The following OPHN1 variants were observed in gnomAD, a reference collection of about 807,000 sequenced individuals.
OPHN1 encodes the protein oligophrenin 1.
OPHN1 carries 11 observed loss-of-function variants against 60.7 expected under a neutral mutation model. The observed-to-expected ratio is 0.18, with a 90% CI of 0.11 to 0.30. The LOEUF (loss-of-function observed/expected upper bound fraction) is 0.30. Among genes scored for constraint, OPHN1 ranks in the 10% least tolerant of loss-of-function variants. The pLI is 1.00. For synonymous variants in OPHN1, 226 were observed against 222.6 expected, an observed-to-expected ratio of 1.02 and a Z score of -0.14; for missense variants, 449 against 611.0, an observed-to-expected ratio of 0.73 and a Z score of 2.80.
chrX:68,242,718 A>T (rs1351947905), intron 5 of OPHN1, among the ~76,000 whole-genome samples: 1 of 111,947 alleles, frequency 8.9e-6, no homozygotes, highest in Non-Finnish European at 1.9e-5. Context: ...TATACACTAG[A>T]TGGAATATTA....
intron 15 of OPHN1, among the ~76,000 whole-genome samples, chrX:68,192,180 A>C (rs2077491216): frequency 8.9e-6 from 1 of 111,806 alleles, no homozygotes; most frequent in Non-Finnish European, 1.9e-5. Context: ...AAGGTTCAGC[A>C]AGTTATTGAA....
At chrX:68,364,495 C>T (rs2078488943) in intron 2 of OPHN1, among the ~76,000 whole-genome samples, 2 of 111,645 alleles carry the variant, frequency 1.8e-5, no homozygotes, top group South Asian at 7.4e-4. Context: ...TAAATAATAA[C>T]GATAGACTGC....
At chrX:68,118,362 C>A (rs922424891) in intron 16 of OPHN1, among the ~76,000 whole-genome samples, 2 of 112,015 alleles carry the variant, frequency 1.8e-5, no homozygotes, top group African/African-American at 6.5e-5. Flanking sequence ...TTTTCTTTAT[C>A]AGCAGATGCA....
At chrX:68,244,552 C>T (rs1014639572) in intron 5 of OPHN1, among the ~76,000 whole-genome samples, 7 of 111,679 alleles carry the variant, frequency 6.3e-5, no homozygotes, top group African/African-American at 2.3e-4. Flanking sequence ...AGTGAATGAA[C>T]ACATGAAGCA....
intron 2 of OPHN1, among the ~76,000 whole-genome samples, chrX:68,333,780 T>C (rs2147680222): frequency 9.0e-6 from 1 of 111,260 alleles, no homozygotes; most frequent in African/African-American, 3.3e-5. Context: ...TACCTCTCTA[T>C]TGGGAAGCAA....
chrX:68,142,421 G>A (rs192404540), intron 15 of OPHN1, among the ~76,000 whole-genome samples: 1,296 of 111,927 alleles, frequency 0.012, 18 homozygotes, highest in African/African-American at 0.039. Context: ...CTTTATGTTG[G>A]GATAGGATGG....
At chrX:68,333,600 A>C (rs941139375) in intron 2 of OPHN1, among the ~76,000 whole-genome samples, 2 of 110,581 alleles carry the variant, frequency 1.8e-5, no homozygotes, top group Non-Finnish European at 3.8e-5. Context: ...GCACTATTGC[A>C]CTCCAGCCTG....
At chrX:68,401,965 C>T (rs1489913068) in intron 2 of OPHN1, among the ~76,000 whole-genome samples, 1 of 111,611 alleles carries the variant, frequency 9.0e-6, no homozygotes, top group Non-Finnish European at 1.9e-5. Context: ...AGGCTGCACA[C>T]TCTTTTCTTG....
At chrX:68,317,608 AAGG>A (rs1895325857) in intron 2 of OPHN1, among the ~76,000 whole-genome samples, 1 of 97,443 alleles carries the variant, frequency 1.0e-5, no homozygotes, top group Non-Finnish European at 2.0e-5. Context: ...AGAAAAAAGA[AAGG>A]AGGGAGTGAG....
At chrX:68,325,522 A>G (rs2078256434) in intron 2 of OPHN1, among the ~76,000 whole-genome samples, 1 of 99,928 alleles carries the variant, frequency 1.0e-5, no homozygotes, top group Non-Finnish European at 2.0e-5. Flanking sequence ...ATCTCATACC[A>G]TACACAAAAA....
chrX:68,209,410 TC>T (rs894292412), intron 9 of OPHN1, among the ~76,000 whole-genome samples: 14 of 111,337 alleles, frequency 1.3e-4, no homozygotes, highest in African/African-American at 3.6e-4. Context: ...TACAAAAAAT[TC>T]AAAACTTAGC....
chrX:68,378,516 G>A (rs1343082160), intron 2 of OPHN1, among the ~76,000 whole-genome samples: 1 of 111,839 alleles, frequency 8.9e-6, no homozygotes, highest in Non-Finnish European at 1.9e-5. Context: ...CCATGCCTAT[G>A]TCCTGAATGG....
chrX:68,342,893 T>C (rs975579187), intron 2 of OPHN1, among the ~76,000 whole-genome samples: 1 of 109,499 alleles, frequency 9.1e-6, no homozygotes, highest in African/African-American at 3.3e-5. Context: ...GTAAGACAAG[T>C]TTAGGTCAAT....
chrX:68,425,915 C>T (rs1665219697), intron 2 of OPHN1, among the ~76,000 whole-genome samples: 1 of 100,317 alleles, frequency 1.0e-5, no homozygotes, highest in Non-Finnish European at 2.0e-5. Flanking sequence ...TGTAACCTCT[C>T]TGCCTCCAGG....
In OPHN1 at chrX:68,231,093, G is replaced by A. The variant is rs186877976; in HGVS notation, c.486+3394C>T. ...AAAAGAATGAAAAAAATGAGATCCCGTCATTTGCAACAACATGGATGGAAC... is the reference window on the plus strand; with the variant it reads ...AAAAGAATGAAAAAAATGAGATCCCATCATTTGCAACAACATGGATGGAAC... On this transcript the variant is annotated intron_variant, in intron 6 of 24. Coordinates refer to ENST00000355520, the MANE Select transcript of OPHN1 (RefSeq NM_002547.3). Among the ~76,000 whole-genome samples the A allele has an allele frequency of 4.0e-4, 45 of 111,162 alleles. 2 individuals carry two copies. The East Asian group carries it at 8.7e-3, about 22-fold the overall frequency.
intron 20 of OPHN1, among the ~76,000 whole-genome samples, chrX:68,064,550 C>T (rs989411141): frequency 1.3e-4 from 15 of 112,466 alleles, no homozygotes; most frequent in African/African-American, 4.8e-4. Flanking sequence ...TTAACCACTT[C>T]TCTGAAAAGT....
chrX:68,098,618 T>C (rs1026152608), intron 18 of OPHN1, among the ~76,000 whole-genome samples: 4 of 112,274 alleles, frequency 3.6e-5, no homozygotes, highest in South Asian at 3.7e-4. Context: ...CAACCATTCA[T>C]AGCTTTTGAT....
Position 68,153,974 on chromosome X carries a change from C to T in OPHN1, c.1277-34642G>A, listed in dbSNP as rs189570275. 2.5e-3 allele frequency among the ~76,000 whole-genome samples: 277 copies of T among 111,574 alleles called. 1 individual carries two copies. The highest frequency in any genetic ancestry group is 8.5e-3 in the African/African-American group (262 of 30,698). On this transcript the variant is annotated intron_variant, in intron 15 of 24. Transcript: ENST00000355520. ...AGGTTATAGATCTTTGATTTTCATT[C>T]CATAATATTAAAGGAGGAGTTACCA...
At chrX:68,422,855 G>C (rs1486287490) in intron 2 of OPHN1, among the ~76,000 whole-genome samples, 1 of 108,692 alleles carries the variant, frequency 9.2e-6, no homozygotes, top group Non-Finnish European at 1.9e-5. Flanking sequence ...AAAGAGAAAA[G>C]AAAAGAAAAA....
Sources: allele counts gnomAD v4.1 joint callset (sites outside exome capture counted in the v4.1 genomes callset), GRCh38; gene constraint gnomAD v4.1.1; transcripts MANE v1.5; gene names NCBI Gene and HGNC (gene_info 2026-07-23, HGNC 2026-07-21).